CNTNAP5: variants seen among roughly 807,000 people sequenced by gnomAD.
The protein encoded by CNTNAP5 is contactin-associated protein-like 5.
CNTNAP5 carries 72 observed loss-of-function variants against 150.2 expected under a neutral mutation model. The ratio of observed to expected loss-of-function variants is 0.48; its 90% CI spans 0.40 to 0.58. The LOEUF is 0.58. Ranked by LOEUF, CNTNAP5 falls within the 20% of genes least tolerant of loss-of-function variation. The pLI is 0.00. For missense variants in CNTNAP5, 1,636 were observed against 1,626.2 expected, an observed-to-expected ratio of 1.01 and a Z score of -0.10; for synonymous variants, 672 against 619.8, an observed-to-expected ratio of 1.08 and a Z score of -1.25.
Position 124,146,889 on chromosome 2 carries a change from C to T in CNTNAP5, c.83-74816C>T, listed in dbSNP as rs115483570. Among the ~76,000 whole-genome samples the T allele has an allele frequency of 2.5e-3, 383 of 152,252 alleles. 3 individuals are homozygous for T. The highest frequency in any genetic ancestry group is 8.8e-3 in the African/African-American group (367 of 41,546). ...GTGGTTTCCTCAGCTTCTCTTATGG[C>T]CAGACACTCTTCTTAGGAGCCAAAT... On this transcript the variant is annotated intron_variant, in intron 1 of 23. Transcript: ENST00000682447.
intron 3 of CNTNAP5, among the ~76,000 whole-genome samples, chr2:124,310,057 CTT>C (rs68193263): frequency 3.9e-4 from 57 of 144,622 alleles, no homozygotes; most frequent in African/African-American, 7.4e-4. Flanking sequence ...AATCTCTTAC[CTT>C]TTTTTTTTTT....
chr2:124,385,306 G>A (rs969839361), intron 3 of CNTNAP5, among the ~76,000 whole-genome samples: 6 of 152,214 alleles, frequency 3.9e-5, no homozygotes, highest in African/African-American at 1.4e-4. Context: ...GTGAATATGT[G>A]CCTATTATTC....
intron 3 of CNTNAP5, among the ~76,000 whole-genome samples, chr2:124,349,874 C>CTTT (rs70996061): frequency 0.024 from 1,938 of 81,706 alleles, 420 homozygotes; most frequent in Non-Finnish European, 0.033. Flanking sequence ...CTGGCTATTT[C>CTTT]TTTTTTTTTT....
intron 3 of CNTNAP5, among the ~76,000 whole-genome samples, chr2:124,267,239 G>A (rs1050758919): frequency 1.3e-5 from 2 of 152,196 alleles, no homozygotes; most frequent in African/African-American, 4.8e-5. Flanking sequence ...TGAAAACTGA[G>A]TCTTGAACGG....
rs530349964 is a variant in CNTNAP5, at chr2:124,306,846, G to A, written c.381+64453G>A. On this transcript the variant is annotated intron_variant, in intron 3 of 23. Coordinates refer to ENST00000682447, the MANE Select transcript of CNTNAP5 (RefSeq NM_001367498.1). ...AGGTTCCAATGATTCTCCTGCCTCA[G>A]CCTCCTGAGTAGCTGGGATTACAGG... Among the ~76,000 whole-genome samples, 470 of 148,458 alleles carry A rather than the reference G, an allele frequency of 3.2e-3. 4 individuals are homozygous for A. Among genetic ancestry groups the A allele is most frequent in the African/African-American group, 0.011 (450 of 40,064 alleles).
At chr2:124,289,620 G>A (rs1688235493) in intron 3 of CNTNAP5, among the ~76,000 whole-genome samples, 1 of 152,166 alleles carries the variant, frequency 6.6e-6, no homozygotes, top group Non-Finnish European at 1.5e-5. Flanking sequence ...TCATTGCATA[G>A]CCAGACAGAG....
chr2:124,061,613 A>T (rs1682012551), intron 1 of CNTNAP5, among the ~76,000 whole-genome samples: 2 of 152,172 alleles, frequency 1.3e-5, no homozygotes, highest in African/African-American at 4.8e-5. Context: ...ACATTTCATG[A>T]CTGTAAGAGT....
intron 3 of CNTNAP5, among the ~76,000 whole-genome samples, chr2:124,370,857 A>G (rs1195203392): frequency 6.6e-6 from 1 of 152,158 alleles, no homozygotes; most frequent in East Asian, 1.9e-4. Context: ...ATTTCATAAA[A>G]CTTTTATGTG....
chr2:124,883,267 G>T (rs912377380), intron 21 of CNTNAP5, among the ~76,000 whole-genome samples: 3 of 151,808 alleles, frequency 2.0e-5, no homozygotes, highest in African/African-American at 7.3e-5. Flanking sequence ...TCACCATGTT[G>T]CCCGGGCTGG....
chr2:124,824,628 T>A (rs1339324624), intron 19 of CNTNAP5, among the ~76,000 whole-genome samples: 1 of 152,154 alleles, frequency 6.6e-6, no homozygotes, highest in Admixed American at 6.6e-5. Flanking sequence ...CCCAGCATGG[T>A]GATGCTCATG....
At chr2:124,447,208 C>T (rs1472793953) in intron 6 of CNTNAP5, among the ~76,000 whole-genome samples, 1 of 150,700 alleles carries the variant, frequency 6.6e-6, no homozygotes, top group Non-Finnish European at 1.5e-5. Flanking sequence ...TTTTTTCCTG[C>T]GTGTAGACTT....
At chr2:124,871,682 G>A (rs533585114) in intron 21 of CNTNAP5, among the ~76,000 whole-genome samples, 1 of 152,162 alleles carries the variant, frequency 6.6e-6, no homozygotes, top group African/African-American at 2.4e-5. Flanking sequence ...TGCTATTGAA[G>A]GTGCTCTGAC....
At chr2:124,264,179 G>A (rs1282719554) in intron 3 of CNTNAP5, among the ~76,000 whole-genome samples, 1 of 151,984 alleles carries the variant, frequency 6.6e-6, no homozygotes, top group African/African-American at 2.4e-5. Flanking sequence ...TCAAACCGTG[G>A]GTGTTCATAA....
At chr2:124,364,820 A>G (rs1690324265) in intron 3 of CNTNAP5, among the ~76,000 whole-genome samples, 1 of 152,190 alleles carries the variant, frequency 6.6e-6, no homozygotes, top group African/African-American at 2.4e-5. Flanking sequence ...ATGGAGGATA[A>G]TACAGTAGAG....
At chr2:124,089,772 T>A (rs1193426537) in intron 1 of CNTNAP5, among the ~76,000 whole-genome samples, 1 of 152,230 alleles carries the variant, frequency 6.6e-6, no homozygotes, top group Non-Finnish European at 1.5e-5. Context: ...CACATCTTAG[T>A]TGATCATAGC....
At chr2:124,337,942 C>T (rs1689517537) in intron 3 of CNTNAP5, among the ~76,000 whole-genome samples, 2 of 152,120 alleles carry the variant, frequency 1.3e-5, no homozygotes, top group South Asian at 2.1e-4. Flanking sequence ...CCTGAATCTA[C>T]AAATTACCTT....
chr2:124,553,819 C>T (rs977247572), intron 10 of CNTNAP5, among the ~76,000 whole-genome samples: 2 of 152,052 alleles, frequency 1.3e-5, no homozygotes, highest in African/African-American at 4.8e-5. Flanking sequence ...ATTCAGTGCT[C>T]CAGACTGAAC....
intron 1 of CNTNAP5, among the ~76,000 whole-genome samples, chr2:124,083,485 A>G (rs746328145): frequency 1.2e-4 from 18 of 152,116 alleles, no homozygotes; most frequent in Non-Finnish European, 1.9e-4. Flanking sequence ...GACTTTATGG[A>G]TTATGCACTC....
chr2:124,242,875 T>G (rs1686922183), intron 3 of CNTNAP5, among the ~76,000 whole-genome samples: 1 of 152,198 alleles, frequency 6.6e-6, no homozygotes, highest in Non-Finnish European at 1.5e-5. Flanking sequence ...CTGGCCTGAC[T>G]TTAAAGCCAC....
Sources: gnomAD v4.1 joint callset for allele counts (sites outside exome capture counted in the v4.1 genomes callset) on GRCh38, gnomAD v4.1.1 for gene constraint, MANE v1.5 for transcripts, NCBI Gene and HGNC (gene_info 2026-07-23, HGNC 2026-07-21) for gene names.